ZBBX: variants seen among roughly 807,000 people sequenced by gnomAD.
ZBBX encodes the protein zinc finger B-box domain-containing protein 1.
ZBBX carries 101 observed loss-of-function variants against 108.5 expected under a neutral mutation model. That is an observed-to-expected ratio of 0.93 (90% CI 0.79 to 1.10). The LOEUF (loss-of-function observed/expected upper bound fraction) is 1.10. ZBBX is among the 50% of genes least tolerant of loss of function. The probability of loss-of-function intolerance (pLI) is 0.00; values close to 1 mark genes in which losing one functional copy is unlikely to be tolerated. For synonymous variants in ZBBX, 356 were observed against 323.4 expected (o/e 1.10, Z -1.08); for missense variants, 1,009 against 941.4 (o/e 1.07, Z -0.94).
At chr3:167,259,460 G>T (rs1187840743) in intron 20 of ZBBX, among the ~76,000 whole-genome samples, 1 of 151,944 alleles carries the variant, frequency 6.6e-6, no homozygotes, top group East Asian at 1.9e-4. Context: ...TTGTTCATTT[G>T]TTTCAATTTC....
intron 5 of ZBBX, among the ~76,000 whole-genome samples, chr3:167,367,905 C>T (rs1247052272): frequency 6.8e-6 from 1 of 147,414 alleles, no homozygotes; most frequent in Non-Finnish European, 1.5e-5. Context: ...TTTCAGCTAA[C>T]CAGCATTTGC....
At chr3:167,391,187 C>T (rs1042653720) in intron 1 of ZBBX, among the ~76,000 whole-genome samples, 2 of 151,806 alleles carry the variant, frequency 1.3e-5, no homozygotes, top group Non-Finnish European at 2.9e-5. Context: ...GAGAGTCATT[C>T]TCATGAAAGG....
At chr3:167,221,935 G>A in the ZBBX span, among the ~76,000 whole-genome samples, 1 of 151,988 alleles carries the variant, frequency 6.6e-6, no homozygotes, top group Non-Finnish European at 1.5e-5. Context: ...TGGGGATGTG[G>A]AGAAAAGGGA....
intron 20 of ZBBX, among the ~76,000 whole-genome samples, chr3:167,281,125 G>C (rs1728738419): frequency 6.6e-6 from 1 of 152,256 alleles, no homozygotes; most frequent in South Asian, 2.1e-4. Flanking sequence ...TAGGGGGAGC[G>C]ATAGCATTGG....
rs746769390 is a variant in ZBBX, at chr3:167,317,560, T to C, written c.1021A>G (p.Thr341Ala). Residue 341 changes from threonine (T) to alanine (A), a missense_variant, in exon 13 of 22, where the codon ACG becomes GCG. Thr to Ala is a moderately conservative substitution (Grantham distance 58, BLOSUM62 0). Transcript: ENST00000675490. ...QEQLFKMLPD[T>A]FPHPHETTGD... ...GTGGTTTCATGTGGATGTGGGAACG[T>C]ATCTGGTAGCATTTTAAAAAGTTGC... 2 of 1,610,900 alleles carry C rather than the reference T, an allele frequency of 1.2e-6. No individual in the cohort carries two copies. The highest frequency in any genetic ancestry group is 1.7e-5 in the Admixed American group (1 of 59,546).
chr3:167,397,448 T>C (rs1007676377), intron 1 of ZBBX, among the ~76,000 whole-genome samples: 4 of 151,976 alleles, frequency 2.6e-5, no homozygotes, highest in African/African-American at 9.7e-5. Flanking sequence ...TTTCATGTCA[T>C]GAAAAAAATT....
intron 20 of ZBBX, among the ~76,000 whole-genome samples, chr3:167,259,926 C>G (rs1399672885): frequency 6.6e-6 from 1 of 151,806 alleles, no homozygotes; most frequent in Non-Finnish European, 1.5e-5. Flanking sequence ...TTTTATAAGT[C>G]CTGTGTGAAT....
chr3:167,266,309 T>C (rs1190637816), intron 20 of ZBBX, among the ~76,000 whole-genome samples: 1 of 152,244 alleles, frequency 6.6e-6, no homozygotes, highest in African/African-American at 2.4e-5. Context: ...GTTTGTAAGA[T>C]ACAATGAATC....
chr3:167,375,634 A>G (rs1746841203), intron 2 of ZBBX, among the ~76,000 whole-genome samples: 2 of 151,956 alleles, frequency 1.3e-5, no homozygotes, highest in South Asian at 4.2e-4. Context: ...CAACAAACAC[A>G]CAAATTCATC....
chr3:167,203,840 G>A, the ZBBX span, among the ~76,000 whole-genome samples: 2 of 152,108 alleles, frequency 1.3e-5, no homozygotes, highest in Non-Finnish European at 2.9e-5. Context: ...TCTAGTTGAT[G>A]CAAGGTTATT....
At chr3:167,355,818 C>A (rs748968364) in intron 8 of ZBBX, among the ~76,000 whole-genome samples, 2 of 151,962 alleles carry the variant, frequency 1.3e-5, no homozygotes, top group South Asian at 2.1e-4. Flanking sequence ...TTCTCAAAAT[C>A]ATTTTAAAGA....
intron 18 of ZBBX, among the ~76,000 whole-genome samples, chr3:167,294,225 C>A (rs1335834807): frequency 6.6e-6 from 1 of 152,076 alleles, no homozygotes; most frequent in East Asian, 1.9e-4. Context: ...CAAAAAAGAG[C>A]CCGCATGGCC....
intron 20 of ZBBX, among the ~76,000 whole-genome samples, chr3:167,281,336 T>TG (rs1315048010): frequency 6.6e-6 from 1 of 152,188 alleles, no homozygotes; most frequent in African/African-American, 2.4e-5. Context: ...GAATTTGTGG[T>TG]GGGTTTTTAT....
At chr3:167,208,610 G>C in the ZBBX span, among the ~76,000 whole-genome samples, 1 of 152,188 alleles carries the variant, frequency 6.6e-6, no homozygotes, top group African/African-American at 2.4e-5. Flanking sequence ...AGTCCTGGCA[G>C]CACCACCTGC....
chr3:167,326,217 T>C (rs371823772), intron 11 of ZBBX, among the ~76,000 whole-genome samples: 41 of 152,304 alleles, frequency 2.7e-4, no homozygotes, highest in African/African-American at 9.6e-4. Context: ...TGTGTATCTC[T>C]ATTTAGATGG....
chr3:167,310,953 A>C (rs1341227407), intron 16 of ZBBX, among the ~76,000 whole-genome samples: 2 of 152,180 alleles, frequency 1.3e-5, no homozygotes, highest in Non-Finnish European at 2.9e-5. Flanking sequence ...AATCCCAATC[A>C]AAATCCCCGC....
the ZBBX span, among the ~76,000 whole-genome samples, chr3:167,181,849 A>C: frequency 6.6e-6 from 1 of 152,190 alleles, no homozygotes; most frequent in Admixed American, 6.5e-5. Flanking sequence ...CCCGCTGGCA[A>C]GGGTCTATAG....
chr3:167,328,849 T>C (rs930516608), intron 10 of ZBBX, among the ~76,000 whole-genome samples: 2 of 152,212 alleles, frequency 1.3e-5, no homozygotes, highest in East Asian at 3.8e-4. Flanking sequence ...ATTCTAAAAC[T>C]AATAGGCCCC....
At chr3:167,404,570 T>C (rs543793195) in intron 1 of ZBBX, among the ~76,000 whole-genome samples, 2 of 152,050 alleles carry the variant, frequency 1.3e-5, no homozygotes, top group African/African-American at 4.8e-5. Context: ...CATTCAAGGG[T>C]TTATATAGCT....
Sources: allele counts gnomAD v4.1 joint callset (sites outside exome capture counted in the v4.1 genomes callset), GRCh38; gene constraint gnomAD v4.1.1; transcripts MANE v1.5; gene names NCBI Gene and HGNC (gene_info 2026-07-23, HGNC 2026-07-21).